MTNR1A: variants seen among roughly 807,000 people sequenced by gnomAD.
MTNR1A encodes melatonin receptor type 1A.
In MTNR1A, 7 loss-of-function variants were observed where a neutral mutation model predicts 5.5. The observed-to-expected ratio is 1.28, with a 90% CI of 0.73 to 2.40. The LOEUF is 2.40. Ranked by LOEUF, MTNR1A falls within the 30% of genes most tolerant of loss-of-function variation. The pLI is 0.00. For missense variants in MTNR1A, 441 were observed against 464.4 expected (o/e 0.95, Z 0.46); for synonymous variants, 196 against 202.7 (o/e 0.97, Z 0.28).
rs114449177 is a variant in MTNR1A, at chr4:186,536,573, G to C, written c.185-2016C>G. On this transcript the variant is annotated intron_variant, in intron 1 of 1. Transcript: ENST00000307161. ...CGTGAGTACATTTCCTCATATTTGC[G>C]TCCTAGACCACACCCAATAAATACA... Among the ~76,000 whole-genome samples, 1,372 of 152,012 alleles carry C rather than the reference G, an allele frequency of 9.0e-3. 27 individuals carry two copies. Among genetic ancestry groups the C allele is most frequent in the African/African-American group, 0.03 (1,245 of 41,450 alleles).
chr4:186,539,493 A>T (rs1782552177), intron 1 of MTNR1A, among the ~76,000 whole-genome samples: 1 of 152,200 alleles, frequency 6.6e-6, no homozygotes, highest in South Asian at 2.1e-4. Flanking sequence ...TTGACACTTA[A>T]TCGCCAATGT....
At chr4:186,553,978 G>A (rs766460190) in intron 1 of MTNR1A, among the ~76,000 whole-genome samples, 1 of 152,180 alleles carries the variant, frequency 6.6e-6, no homozygotes, top group Non-Finnish European at 1.5e-5. Flanking sequence ...TCTGTAAGGC[G>A]AGTTGACCAC....
At chr4:186,552,679 T>A (rs1205120100) in intron 1 of MTNR1A, among the ~76,000 whole-genome samples, 1 of 152,146 alleles carries the variant, frequency 6.6e-6, no homozygotes, top group Non-Finnish European at 1.5e-5. Flanking sequence ...GGCTAAGCGG[T>A]TGGGTATTAC....
chr4:186,534,258 T>G lies in MTNR1A; in HGVS notation c.484A>C (p.Asn162His), dbSNP rs779787234. 1.9e-6 allele frequency: 3 copies of G among 1,613,970 alleles called. No homozygotes were observed. The African/African-American group carries it at 4.0e-5, about 22-fold the overall frequency. ...WLLTLAAVLP[N>H]LRAGTLQYDP... ...TACTGGAGAGTCCCTGCACGGAGGT[T>G]GGGCAGGACGGCCGCCAGCGTCAGG... Residue 162 changes from asparagine (N) to histidine (H), a missense_variant, in exon 2 of 2, where the codon AAC (asparagine) becomes CAC (histidine). Physicochemically the swap from Asn to His is moderately conservative, Grantham distance 68. Coordinates refer to ENST00000307161, the MANE Select transcript of MTNR1A (RefSeq NM_005958.4).
chr4:186,544,216 T>G (rs1427801744), intron 1 of MTNR1A, among the ~76,000 whole-genome samples: 1 of 152,178 alleles, frequency 6.6e-6, no homozygotes, highest in East Asian at 1.9e-4. Context: ...AGATGGGATT[T>G]CACCATATTG....
chr4:186,549,748 C>T (rs1484537548), intron 1 of MTNR1A, among the ~76,000 whole-genome samples: 1 of 152,152 alleles, frequency 6.6e-6, no homozygotes, highest in Non-Finnish European at 1.5e-5. Context: ...GTCGGAGCCG[C>T]GTTTGACCCA....
Position 186,548,810 on chromosome 4 carries a change from GATATATATATATAT to G in MTNR1A, c.184+6358_184+6371del, listed in dbSNP as rs71595106. Among the ~76,000 whole-genome samples, 438 of 54,598 alleles carry G rather than the reference GATATATATATATAT, an allele frequency of 8.0e-3. 13 individuals carry two copies. The highest frequency in any genetic ancestry group is 0.027 in the African/African-American group (421 of 15,568). The allele number at this position is 54,598 out of a possible 152,430, so 35.8% of individuals were successfully genotyped here. ...AGATAAGGAATGCTTAATCTATAAA[GATATATATATATAT>G]ATATATATATATATATATATATACA... is the stretch of plus-strand genomic sequence containing the variant. On this transcript the variant is annotated intron_variant, in intron 1 of 1. Transcript: ENST00000307161.
intron 1 of MTNR1A, among the ~76,000 whole-genome samples, chr4:186,547,752 A>G (rs888224121): frequency 2.0e-5 from 3 of 152,224 alleles, no homozygotes; most frequent in Admixed American, 6.5e-5. Flanking sequence ...TACATTGTAC[A>G]CTGTATTGCA....
At chr4:186,549,763 T>G (rs1293555633) in intron 1 of MTNR1A, among the ~76,000 whole-genome samples, 3 of 152,188 alleles carry the variant, frequency 2.0e-5, no homozygotes, top group Admixed American at 6.6e-5. Flanking sequence ...GACCCACGCT[T>G]AGAACAGGAC....
intron 1 of MTNR1A, among the ~76,000 whole-genome samples, chr4:186,539,527 T>C (rs1392369590): frequency 2.0e-5 from 3 of 152,150 alleles, no homozygotes; most frequent in Non-Finnish European, 4.4e-5. Context: ...GGTGGGGCCT[T>C]TAGGAAGCCA....
At position 186,534,205 on chromosome 4, in the gene MTNR1A, G is replaced by A. The variant is rs1296618570; in HGVS notation, c.537C>T (p.Phe179=). 1.1e-5 allele frequency: 18 copies of A among 1,613,818 alleles called. No homozygotes were observed. The highest frequency in any genetic ancestry group is 2.2e-5 in the East Asian group (1 of 44,880). ...TGTAGGCGGAGCTGACGGACTGGGC[G>A]AAGGTGCACGAGTAGATCCTCGGGT... ...QYDPRIYSCT[F]AQSVSSAYTI... Residue 179 remains phenylalanine, a synonymous_variant, in exon 2 of 2, where the codon TTC becomes TTT. Transcript: ENST00000307161.
At chr4:186,549,256 G>C (rs572992486) in intron 1 of MTNR1A, among the ~76,000 whole-genome samples, 1 of 152,008 alleles carries the variant, frequency 6.6e-6, no homozygotes, top group South Asian at 2.1e-4. Flanking sequence ...AATCATCAAA[G>C]AGGAAATACT....
intron 1 of MTNR1A, among the ~76,000 whole-genome samples, chr4:186,547,990 C>T (rs1395769400): frequency 1.3e-5 from 2 of 152,174 alleles, no homozygotes; most frequent in African/African-American, 2.4e-5. Flanking sequence ...ACTGGTTCAG[C>T]CTTTCACCCT....
Position 186,533,918 on chromosome 4 carries a change from C to T in MTNR1A, c.824G>A (p.Trp275Ter), listed in dbSNP as rs1173918404. 2 of 1,614,142 alleles carry T rather than the reference C, an allele frequency of 1.2e-6. No homozygotes were observed. Among genetic ancestry groups the T allele is most frequent in the Admixed American group, 1.7e-5 (1 of 60,022 alleles). Residue 275 changes from tryptophan (W) to a stop codon, truncating the protein, a stop_gained, in exon 2 of 2, where the codon TGG becomes TAG. Coordinates refer to ENST00000307161, the MANE Select transcript of MTNR1A (RefSeq NM_005958.4). LOFTEE classifies it high-confidence loss of function. ...CATGTAGTAACTGGCCACAAACAGC[C>T]ACTCTGGGATCCTAGGCACCATGCT... ...PASMVPRIPE[W>*]LFVASYYMAY... is the part of the protein sequence containing the mutation.
chr4:186,555,133 A>G lies in MTNR1A; in HGVS notation c.184+49T>C, dbSNP rs887776112. 14 of 1,545,280 alleles carry G rather than the reference A, an allele frequency of 9.1e-6. No homozygotes were observed. In the East Asian group the frequency reaches 3.3e-4, roughly 37 times the overall value. On this transcript the variant is annotated intron_variant, in intron 1 of 1. Coordinates refer to ENST00000307161, the MANE Select transcript of MTNR1A (RefSeq NM_005958.4). This position sits in a 1 kb window ranked among gnomAD's most constrained non-coding sequence, Gnocchi z 4.1. ...TGGGGAAGGCTGGCTGCCCGCGGAG[A>G]GGCGCTGCGTCCGGAGCGCTGGCCC...
intron 1 of MTNR1A, among the ~76,000 whole-genome samples, chr4:186,552,941 G>T (rs1437097805): frequency 6.6e-6 from 1 of 152,212 alleles, no homozygotes; most frequent in Non-Finnish European, 1.5e-5. Context: ...GGCTGTGGCT[G>T]TCCACTGTCC....
At chr4:186,541,502 G>C (rs965098707) in intron 1 of MTNR1A, among the ~76,000 whole-genome samples, 3 of 150,356 alleles carry the variant, frequency 2.0e-5, no homozygotes, top group Non-Finnish European at 4.4e-5. Context: ...ATTAGCCACT[G>C]ATCTAGCTGA....
chr4:186,545,862 T>C (rs1343399488), intron 1 of MTNR1A, among the ~76,000 whole-genome samples: 1 of 152,072 alleles, frequency 6.6e-6, no homozygotes, highest in Admixed American at 6.5e-5. Context: ...GTAGGGAATA[T>C]TCTCTGGCAG....
At chr4:186,542,721 G>A (rs1737054056) in intron 1 of MTNR1A, among the ~76,000 whole-genome samples, 1 of 152,134 alleles carries the variant, frequency 6.6e-6, no homozygotes, top group African/African-American at 2.4e-5. Context: ...CAAAATGTTT[G>A]CTTCCTTTCT....
Sources: gnomAD v4.1 joint callset for allele counts (sites outside exome capture counted in the v4.1 genomes callset) on GRCh38, gnomAD v4.1.1 for gene constraint, Gnocchi (gnomAD v3.1) non-coding constraint, MANE v1.5 for transcripts, NCBI Gene and HGNC (gene_info 2026-07-23, HGNC 2026-07-21) for gene names.